The following ITFG1 variants were observed in gnomAD, a reference collection of about 807,000 sequenced individuals.
The protein encoded by ITFG1 is integrin alpha FG-GAP repeat containing 1, also known as T-cell immunomodulatory protein.
In ITFG1, 34 loss-of-function variants were observed where a neutral mutation model predicts 81.8. The ratio of observed to expected loss-of-function variants is 0.42; its 90% CI spans 0.32 to 0.55. The LOEUF (loss-of-function observed/expected upper bound fraction) is 0.55, where lower values mean the gene tolerates loss of function less well. Among genes scored for constraint, ITFG1 ranks in the 20% least tolerant of loss-of-function variants. The pLI is 0.17. For synonymous variants in ITFG1, 285 were observed against 270.6 expected (o/e 1.05, Z -0.52); for missense variants, 672 against 755.4 (o/e 0.89, Z 1.29).
chr16:47,430,278 CTGGTCT>C (rs1457001766), intron 5 of ITFG1, among the ~76,000 whole-genome samples: 1 of 151,438 alleles, frequency 6.6e-6, no homozygotes, highest in Non-Finnish European at 1.5e-5. Flanking sequence ...GTTGGCCAGA[CTGGTCT>C]TGAACTCTGG....
chr16:47,434,827 T>C (rs967923862), intron 5 of ITFG1, among the ~76,000 whole-genome samples: 1 of 152,162 alleles, frequency 6.6e-6, no homozygotes, highest in African/African-American at 2.4e-5. Flanking sequence ...CACCATGGAA[T>C]ATGGAATATG....
At chr16:47,430,253 A>T (rs1969078055) in intron 5 of ITFG1, among the ~76,000 whole-genome samples, 1 of 149,868 alleles carries the variant, frequency 6.7e-6, no homozygotes. Flanking sequence ...TTTAGTGGAG[A>T]CAGGGTTTCA....
At chr16:47,365,700 G>C in intron 8 of ITFG1, 88 bp downstream of exon 8, 2 of 770,490 alleles carry the variant, frequency 2.6e-6, no homozygotes, top group Non-Finnish European at 2.2e-6. Flanking sequence ...GTTATTTCCT[G>C]CTATGGGGAA....
At chr16:47,450,625 T>C (rs1442745473) in intron 5 of ITFG1, among the ~76,000 whole-genome samples, 1 of 152,150 alleles carries the variant, frequency 6.6e-6, no homozygotes, top group Admixed American at 6.5e-5. Context: ...TCCAAGTAGC[T>C]GGGAAAGACA....
intron 6 of ITFG1, among the ~76,000 whole-genome samples, chr16:47,413,298 A>G (rs1968833918): frequency 6.6e-6 from 1 of 152,220 alleles, no homozygotes; most frequent in Non-Finnish European, 1.5e-5. Context: ...TCCTTTTCAG[A>G]CAAGCAAATG....
chr16:47,384,461 A>T (rs1316982849), intron 6 of ITFG1, among the ~76,000 whole-genome samples: 1 of 152,134 alleles, frequency 6.6e-6, no homozygotes, highest in African/African-American at 2.4e-5. Context: ...CACACCAGAG[A>T]GGCATTTTCT....
intron 13 of ITFG1, among the ~76,000 whole-genome samples, chr16:47,229,556 T>C (rs1204929269): frequency 2.0e-5 from 3 of 151,682 alleles, no homozygotes; most frequent in Non-Finnish European, 2.9e-5. Flanking sequence ...GAAAGATCAC[T>C]GTTGTATGTT....
chr16:47,225,142 C>T (rs1390420133), intron 13 of ITFG1, among the ~76,000 whole-genome samples: 1 of 151,810 alleles, frequency 6.6e-6, no homozygotes, highest in Non-Finnish European at 1.5e-5. Context: ...AATACAATAA[C>T]TGAAATGAAA....
intron 17 of ITFG1, among the ~76,000 whole-genome samples, chr16:47,157,814 G>A (rs1964738492): frequency 6.6e-6 from 1 of 152,166 alleles, no homozygotes; most frequent in Non-Finnish European, 1.5e-5. Context: ...ATGATGGCAT[G>A]TCAATCCAGA....
chr16:47,457,313 G>GA (rs996556509), intron 2 of ITFG1, among the ~76,000 whole-genome samples: 177 of 112,844 alleles, frequency 1.6e-3, no homozygotes, highest in Non-Finnish European at 1.9e-3. Context: ...TCTGTCTCAA[G>GA]AAAAAAAAAA....
intron 10 of ITFG1, among the ~76,000 whole-genome samples, chr16:47,276,922 A>G (rs182090187): frequency 8.5e-4 from 130 of 152,336 alleles, no homozygotes; most frequent in African/African-American, 2.9e-3. Context: ...TTTATGATAA[A>G]ATACAGGAAA....
intron 10 of ITFG1, among the ~76,000 whole-genome samples, chr16:47,286,239 A>T (rs558223281): frequency 6.6e-6 from 1 of 152,270 alleles, no homozygotes; most frequent in African/African-American, 2.4e-5. Context: ...GCCATTCCAA[A>T]TTGTCCTCCA....
chr16:47,307,111 A>C (rs1384713241), intron 10 of ITFG1, among the ~76,000 whole-genome samples: 3 of 147,388 alleles, frequency 2.0e-5, no homozygotes, highest in Non-Finnish European at 3.0e-5. Context: ...AAAAAAAAAA[A>C]AAAAAAAAAA....
chr16:47,294,943 C>T (rs1050470681), intron 10 of ITFG1, among the ~76,000 whole-genome samples: 28 of 152,042 alleles, frequency 1.8e-4, no homozygotes, highest in African/African-American at 6.8e-4. Flanking sequence ...TGTTCCAGTT[C>T]TTCGGGGAAG....
chr16:47,396,250 T>G, intron 6 of ITFG1: 26 of 692,516 alleles, frequency 3.8e-5, no homozygotes, highest in Non-Finnish European at 4.6e-5. Flanking sequence ...GTACAGCTGT[T>G]AGCTGTTGCT....
At chr16:47,416,441 G>C (rs1333589825) in intron 6 of ITFG1, among the ~76,000 whole-genome samples, 1 of 152,092 alleles carries the variant, frequency 6.6e-6, no homozygotes, top group Non-Finnish European at 1.5e-5. Context: ...AAGAATTTCA[G>C]CTAAAGCTTA....
At chr16:47,415,820 G>A (rs148798053) in intron 6 of ITFG1, among the ~76,000 whole-genome samples, 113 of 152,280 alleles carry the variant, frequency 7.4e-4, no homozygotes, top group African/African-American at 2.6e-3. Context: ...CTTGCCGTGT[G>A]CAGTGGCTCA....
chr16:47,346,087 T>C (rs1457114352), intron 8 of ITFG1, among the ~76,000 whole-genome samples: 1 of 152,200 alleles, frequency 6.6e-6, no homozygotes, highest in African/African-American at 2.4e-5. Flanking sequence ...CTGGTACACA[T>C]GGAACATTCT....
chr16:47,241,728 G>T (rs914589933), intron 12 of ITFG1, among the ~76,000 whole-genome samples: 6 of 152,140 alleles, frequency 3.9e-5, no homozygotes, highest in African/African-American at 1.4e-4. Flanking sequence ...GGCCAAGGCA[G>T]GCGGATCACG....
Sources: allele counts gnomAD v4.1 joint callset (sites outside exome capture counted in the v4.1 genomes callset), GRCh38; gene constraint gnomAD v4.1.1; transcripts MANE v1.5; gene names NCBI Gene and HGNC (gene_info 2026-07-23, HGNC 2026-07-21).